CTNNA3: variants seen among roughly 807,000 people sequenced by gnomAD.
CTNNA3 encodes catenin alpha 3.
Under a neutral mutation model 95.7 loss-of-function variants are expected in CTNNA3, and 76 were observed. That is an observed-to-expected ratio of 0.79 (90% CI 0.66 to 0.96). CTNNA3 has a LOEUF of 0.96. Among genes scored for constraint, CTNNA3 ranks in the 40% least tolerant of loss-of-function variants. The pLI is 0.00. For synonymous variants in CTNNA3, 431 were observed against 374.4 expected (o/e 1.15, Z -1.74); for missense variants, 1,191 against 1,089.8 (o/e 1.09, Z -1.31).
chr10:67,746,563 G>T (rs1841375795), intron 1 of CTNNA3, among the ~76,000 whole-genome samples: 2 of 152,238 alleles, frequency 1.3e-5, no homozygotes, highest in Non-Finnish European at 2.9e-5. Context: ...AAAGCAGAGT[G>T]GTGCCTCAGC....
At chr10:67,361,536 C>T (rs2132671594) in intron 5 of CTNNA3, among the ~76,000 whole-genome samples, 1 of 152,132 alleles carries the variant, frequency 6.6e-6, no homozygotes. Context: ...GGGTAAACAG[C>T]AAAATCAAGG....
intron 1 of CTNNA3, among the ~76,000 whole-genome samples, chr10:67,675,144 C>T (rs1260101534): frequency 6.6e-6 from 1 of 152,016 alleles, no homozygotes; most frequent in African/African-American, 2.4e-5. Flanking sequence ...TTTCACATAT[C>T]ATTGACCCTA....
intron 5 of CTNNA3, among the ~76,000 whole-genome samples, chr10:67,276,596 T>G (rs1363049002): frequency 6.6e-6 from 1 of 152,120 alleles, no homozygotes; most frequent in Non-Finnish European, 1.5e-5. Context: ...GGGCAATGTG[T>G]GATATATAAA....
At chr10:66,994,315 C>T (rs1851208124) in intron 7 of CTNNA3, among the ~76,000 whole-genome samples, 1 of 152,170 alleles carries the variant, frequency 6.6e-6, no homozygotes. Context: ...TTTGCCTGGC[C>T]TTTGCTAATC....
At chr10:66,489,577 C>A (rs773887374) in intron 11 of CTNNA3, among the ~76,000 whole-genome samples, 1 of 152,098 alleles carries the variant, frequency 6.6e-6, no homozygotes, top group Non-Finnish European at 1.5e-5. Context: ...TGCACACACA[C>A]ACTTGTGCAT....
chr10:66,244,188 T>C (rs2090216467), intron 13 of CTNNA3, among the ~76,000 whole-genome samples: 1 of 152,126 alleles, frequency 6.6e-6, no homozygotes, highest in South Asian at 2.1e-4. Context: ...TAGGGAAGAA[T>C]GGGAAGGACT....
intron 3 of CTNNA3, among the ~76,000 whole-genome samples, chr10:67,554,853 G>A (rs558995339): frequency 1.3e-5 from 2 of 152,290 alleles, no homozygotes; most frequent in East Asian, 3.9e-4. Flanking sequence ...GAATGGTGTT[G>A]CCTAGGTTTT....
At chr10:65,937,308 A>G (rs1313259165) in intron 17 of CTNNA3, among the ~76,000 whole-genome samples, 1 of 152,090 alleles carries the variant, frequency 6.6e-6, no homozygotes, top group Admixed American at 6.5e-5. Context: ...TTCCTGTTTT[A>G]CAAACTTCAA....
chr10:65,952,895 G>C (rs1204604952), intron 17 of CTNNA3, among the ~76,000 whole-genome samples: 1 of 152,124 alleles, frequency 6.6e-6, no homozygotes, highest in Non-Finnish European at 1.5e-5. Context: ...TGGCACACCT[G>C]CCTCAGGCTA....
At chr10:66,776,508 C>T (rs1237356124) in intron 7 of CTNNA3, among the ~76,000 whole-genome samples, 2 of 152,148 alleles carry the variant, frequency 1.3e-5, no homozygotes, top group Admixed American at 1.3e-4. Context: ...AAACCCATAC[C>T]CTGCAGTGGA....
chr10:67,171,284 G>A (rs1391185198), intron 7 of CTNNA3, among the ~76,000 whole-genome samples: 3 of 152,020 alleles, frequency 2.0e-5, no homozygotes, highest in African/African-American at 7.2e-5. Flanking sequence ...AAATATTTTG[G>A]TACTTCTAGG....
At chr10:67,616,599 T>G (rs1208368916) in intron 2 of CTNNA3, among the ~76,000 whole-genome samples, 1 of 152,204 alleles carries the variant, frequency 6.6e-6, no homozygotes, top group African/African-American at 2.4e-5. Context: ...CAAGGATGAC[T>G]CTGGCATCTG....
At chr10:67,580,996 A>C (rs1176330828) in intron 3 of CTNNA3, among the ~76,000 whole-genome samples, 1 of 152,006 alleles carries the variant, frequency 6.6e-6, no homozygotes, top group Non-Finnish European at 1.5e-5. Context: ...CAATCATGTC[A>C]TCTGCAAACA....
intron 11 of CTNNA3, among the ~76,000 whole-genome samples, chr10:66,430,985 A>C (rs1209712304): frequency 6.6e-6 from 1 of 152,162 alleles, no homozygotes; most frequent in Non-Finnish European, 1.5e-5. Flanking sequence ...AATGGGAGAA[A>C]ATTTTTGCAA....
chr10:66,228,095 G>A (rs2089408712), intron 13 of CTNNA3, among the ~76,000 whole-genome samples: 1 of 151,792 alleles, frequency 6.6e-6, no homozygotes. Flanking sequence ...GTTCAATTTT[G>A]ATTATCTTTC....
intron 10 of CTNNA3, among the ~76,000 whole-genome samples, chr10:66,602,543 G>A (rs1175904899): frequency 6.6e-6 from 1 of 151,890 alleles, no homozygotes; most frequent in Non-Finnish European, 1.5e-5. Context: ...AGAAAATGCT[G>A]CTAGAATTGC....
Position 66,508,184 on chromosome 10 carries a change from T to TG in CTNNA3, c.1531+12432_1531+12433insC, listed in dbSNP as rs774560179. On this transcript the variant is annotated intron_variant, in intron 11 of 17. Transcript: ENST00000433211. ...GGTGGTGCAGGAGCAGCTCTTGTTT[T>TG]TTTTTTTTGTTTTGTTTTGTTTTCT... Among the ~76,000 whole-genome samples, 31 of 143,180 alleles carry TG rather than the reference T, an allele frequency of 2.2e-4. 1 individual carries two copies. Among genetic ancestry groups the TG allele is most frequent in the African/African-American group, 7.5e-4 (28 of 37,386 alleles). 93.9% of individuals were successfully genotyped at this position (143,180 alleles called of 152,430 possible).
At chr10:66,829,537 C>T (rs1237609892) in intron 7 of CTNNA3, among the ~76,000 whole-genome samples, 3 of 151,058 alleles carry the variant, frequency 2.0e-5, no homozygotes, top group African/African-American at 4.9e-5. Flanking sequence ...TGCTTAAACC[C>T]GGGAGGCAGA....
chr10:67,491,435 C>T (rs960728368), intron 5 of CTNNA3, among the ~76,000 whole-genome samples: 1 of 152,132 alleles, frequency 6.6e-6, no homozygotes, highest in Non-Finnish European at 1.5e-5. Context: ...ACAGGAAATC[C>T]TTTCGAAACA....
Sources: gnomAD v4.1 joint callset for allele counts (sites outside exome capture counted in the v4.1 genomes callset) on GRCh38, gnomAD v4.1.1 for gene constraint, MANE v1.5 for transcripts, NCBI Gene and HGNC (gene_info 2026-07-23, HGNC 2026-07-21) for gene names.